SHKBP1: variants seen among roughly 807,000 people sequenced by gnomAD.
SHKBP1 encodes the protein SH3KBP1 binding protein 1.
A neutral mutation model predicts 83.9 loss-of-function variants in SHKBP1; 71 were observed. That is an observed-to-expected ratio of 0.85 (90% CI 0.70 to 1.03). The LOEUF (loss-of-function observed/expected upper bound fraction) is 1.03. Among genes scored for constraint, SHKBP1 ranks in the 50% least tolerant of loss-of-function variants. The pLI is 0.00. For missense variants in SHKBP1, 824 were observed against 982.4 expected (o/e 0.84, Z 2.16); for synonymous variants, 371 against 398.0 (o/e 0.93, Z 0.81).
At chr19:40,578,772 T>C (rs192208830) in intron 6 of SHKBP1, among the ~76,000 whole-genome samples, 1 of 152,234 alleles carries the variant, frequency 6.6e-6, no homozygotes, top group East Asian at 1.9e-4. Context: ...TGGAGCCCCA[T>C]GGGAGTTGTA....
In SHKBP1 at chr19:40,590,668, A is replaced by G; in HGVS notation, c.1769-62A>G. 1 of 1,513,048 alleles carries G rather than the reference A, an allele frequency of 6.6e-7. No individual in the cohort carries two copies. The highest frequency in any genetic ancestry group is 8.8e-7 in the Non-Finnish European group (1 of 1,130,462). 93.7% of individuals were successfully genotyped at this position (1,513,048 alleles called of 1,614,324 possible). On this transcript the variant is annotated intron_variant, in intron 16 of 17. Transcript: ENST00000291842. This position sits in a 1 kb window ranked among gnomAD's most constrained non-coding sequence, Gnocchi z 4.6. Reference sequence around the variant, plus strand: ...ACCCTCGGTGCTTGCACTGCAATGCAACCCAGGCCCTTGCCCTATGACCCC... The same window carrying G: ...ACCCTCGGTGCTTGCACTGCAATGCGACCCAGGCCCTTGCCCTATGACCCC...
chr19:40,578,540 C>G lies in SHKBP1; in HGVS notation c.398C>G (p.Pro133Arg), dbSNP rs781561260. Residue 133 changes from proline (P) to arginine (R), a missense_variant and splice_region_variant, in exon 6 of 18, where the codon CCA becomes CGA. Transcript: ENST00000291842. ...CTCTTCAATGGTTACCTGCCGCCAC[C>G]AGGTAGGCACTCCCAATGGAATGGA... ...NVLFNGYLPP[P>R]VFPVKRRNRH... The G allele has an allele frequency of 6.2e-7, 1 of 1,612,334 alleles. No homozygotes were observed. Among genetic ancestry groups the G allele is most frequent in the Non-Finnish European group, 8.5e-7 (1 of 1,179,424 alleles).
At chr19:40,578,133 C>G (rs753901707) in intron 4 of SHKBP1, 21 bp from the exon 5 acceptor site, 1 of 1,608,620 alleles carries the variant, frequency 6.2e-7, no homozygotes, top group Non-Finnish European at 8.5e-7. Flanking sequence ...ACCCTGACCT[C>G]TAGTCAATTC....
At chr19:40,589,589 G>T (rs2081341238) in intron 15 of SHKBP1, among the ~76,000 whole-genome samples, 1 of 151,350 alleles carries the variant, frequency 6.6e-6, no homozygotes, top group Admixed American at 6.6e-5. Context: ...TGGGATGGAG[G>T]AGACCCAGGG....
chr19:40,589,313 A>C, intron 15 of SHKBP1, 135 bp downstream of exon 15: 1 of 880,704 alleles, frequency 1.1e-6, no homozygotes, highest in Non-Finnish European at 1.8e-6. Context: ...TGAAGGAGCA[A>C]AGGCTGGGAG....
intron 4 of SHKBP1, 177 bp downstream of exon 4, chr19:40,577,807 C>G: frequency 1.3e-6 from 1 of 758,872 alleles, no homozygotes; most frequent in Admixed American, 2.3e-5. Context: ...TTTGGGAGGC[C>G]GAGGTGGGAG....
rs1234191880 is a variant in SHKBP1 at position 40,583,439 on chromosome 19, C to T, written c.1002C>T (p.Gly334=). 1 of 1,604,854 alleles carries T rather than the reference C, an allele frequency of 6.2e-7. No homozygotes were observed. The highest frequency in any genetic ancestry group is 1.3e-5 in the African/African-American group (1 of 74,746). ...VQPITSYDAA[G]SFLLLGCNNG... ...CCATCACCAGTTATGACGCGGCAGG[C>T]TCCTTCCTCCTCCTGGGCTGCAACA... The change falls in exon 11 of 18, where the codon GGC becomes GGT. Residue 334 remains glycine, a synonymous_variant. Transcript: ENST00000291842.
rs772444722 is a variant in SHKBP1 at position 40,588,592 on chromosome 19, G to T, written c.1337-32G>T. On this transcript the variant is annotated intron_variant, in intron 13 of 17. Transcript: ENST00000291842. The stretch of plus-strand genomic sequence containing the variant: ...CAGGCAGCATTGATGCCTGCACCAG[G>T]CCTGACTTCCTGCTCTCCTTGTGCC... 1.4e-5 allele frequency: 22 copies of T among 1,613,418 alleles called. No individual in the cohort carries two copies. In the East Asian group the frequency reaches 2.9e-4, roughly 21 times the overall value.
At position 40,590,823 on chromosome 19, in the gene SHKBP1, C is replaced by G. The variant is rs367968964; in HGVS notation, c.1862C>G (p.Pro621Arg). Residue 621 changes from proline to arginine, a missense_variant, in exon 17 of 18, where the codon CCC becomes CGC. Physicochemically the swap from Pro to Arg is moderately radical, Grantham distance 103. Around this residue, in one of 3 missense-constraint regions of SHKBP1, gnomAD observed 287 missense variants for 322.9 expected, o/e 0.89. Coordinates refer to ENST00000291842, the MANE Select transcript of SHKBP1 (RefSeq NM_138392.4). This position sits in a 1 kb window ranked among gnomAD's most constrained non-coding sequence, Gnocchi z 4.6. ...APSAPSWGCL[P>R]SPSPRISLTS... ...TCAGCTCCCTCATGGGGCTGTCTCC[C>G]CAGCCCCTCACCCCGCATCTCCCTC... The G allele has an allele frequency of 1.3e-6, 2 of 1,594,304 alleles. No homozygotes were observed. The highest frequency in any genetic ancestry group is 1.7e-6 in the Non-Finnish European group (2 of 1,164,376).
rs1358582347 is a variant in SHKBP1 at position 40,580,597 on chromosome 19, G to A, written c.594G>A (p.Leu198=). Residue 198 remains leucine, a synonymous_variant, in exon 8 of 18, where the codon CTG becomes CTA. Transcript: ENST00000291842. The part of the protein sequence containing the change: ...GQPEEPGMVR[L]VCGHHNWIAV... ...CTGAGGAGCCGGGGATGGTGCGCCT[G>A]GTGTGTGGACACCATAATTGGATCG... 2.5e-6 allele frequency: 4 copies of A among 1,614,196 alleles called. No homozygotes were observed. Among genetic ancestry groups the A allele is most frequent in the Non-Finnish European group, 3.4e-6 (4 of 1,180,036 alleles).
rs2081348463 is a variant in SHKBP1, at chr19:40,590,368, A to C, written c.1714A>C (p.Ser572Arg). The C allele has an allele frequency of 6.2e-7, 1 of 1,611,984 alleles. No individual in the cohort carries two copies. The highest frequency in any genetic ancestry group is 8.5e-7 in the Non-Finnish European group (1 of 1,179,442). ...RYLLTGQANG[S>R]LAMWDLTTAM... is the part of the protein sequence containing the mutation. ...CCTGCTCACTGGCCAGGCCAACGGC[A>C]GCTTGGCCATGTGGGACCTAACCAC... Residue 572 changes from serine to arginine, a missense_variant, in exon 16 of 18, where the codon AGC (serine) becomes CGC (arginine). By Grantham distance (110) the Ser-to-Arg change is moderately radical. Coordinates refer to ENST00000291842, the MANE Select transcript of SHKBP1 (RefSeq NM_138392.4). The surrounding 1 kb of genome is among the most constrained non-coding windows in gnomAD (Gnocchi z 4.6).
Position 40,583,938 on chromosome 19 carries a change from T to C in SHKBP1, c.1165+221T>C, listed in dbSNP as rs965318445. Among the ~76,000 whole-genome samples the C allele has an allele frequency of 3.9e-5, 6 of 152,078 alleles. No homozygotes were observed. In the East Asian group the frequency reaches 1.2e-3, roughly 29 times the overall value. ...TCACTGCAACCTCCACCTCCTGAGT[T>C]CAAGCGATTCTCCTGCCTCAGCCTC... is the stretch of plus-strand genomic sequence containing the variant. On this transcript the variant is annotated intron_variant, in intron 12 of 17. Transcript: ENST00000291842.
intron 12 of SHKBP1, 32 bp from the exon 13 acceptor site, chr19:40,586,736 TGGCCCA>T: frequency 2.7e-6 from 4 of 1,471,360 alleles, no homozygotes; most frequent in Non-Finnish European, 3.6e-6. Flanking sequence ...TCTGTCTCTG[TGGCCCA>T]GGCCCTCTCC....
In SHKBP1 at chr19:40,583,429, A is replaced by G; in HGVS notation, c.992A>G (p.Asp331Gly). 6.2e-7 allele frequency: 1 copy of G among 1,600,474 alleles called. No individual in the cohort carries two copies. Among genetic ancestry groups the G allele is most frequent in the South Asian group, 1.1e-5 (1 of 89,304 alleles). The change falls in exon 11 of 18, where the codon GAC becomes GGC. Residue 331 changes from aspartate to glycine, a missense_variant. This residue lies in a region of SHKBP1 where 182 missense variants were observed against 273.1 expected (regional missense o/e 0.67). Coordinates refer to ENST00000291842, the MANE Select transcript of SHKBP1 (RefSeq NM_138392.4). Reference protein sequence around the residue: ...VQEVQPITSYDAAGSFLLLGC... With the variant: ...VQEVQPITSYGAAGSFLLLGC... ...GAGGTGCAGCCCATCACCAGTTATG[A>G]CGCGGCAGGCTCCTTCCTCCTCCTG...
intron 6 of SHKBP1, 93 bp from the exon 7 acceptor site, chr19:40,580,231 A>G (rs775869006): frequency 2.5e-5 from 35 of 1,424,914 alleles, no homozygotes; most frequent in Non-Finnish European, 2.9e-5. Flanking sequence ...TGTCCCACAC[A>G]TGGGGAAATC....
In SHKBP1 at chr19:40,580,595, C is replaced by A. The variant is rs2081260766; in HGVS notation, c.592C>A (p.Leu198Met). ...GQPEEPGMVRLVCGHHNWIAV... is the reference protein window; with the variant it reads ...GQPEEPGMVRMVCGHHNWIAV... Reference sequence around the variant, plus strand: ...ACCTGAGGAGCCGGGGATGGTGCGCCTGGTGTGTGGACACCATAATTGGAT... The same window carrying A: ...ACCTGAGGAGCCGGGGATGGTGCGCATGGTGTGTGGACACCATAATTGGAT... The change falls in exon 8 of 18, where the codon CTG (leucine) becomes ATG (methionine). Residue 198 changes from leucine (L) to methionine (M), a missense_variant. By Grantham distance (15) the Leu-to-Met change is conservative. Coordinates refer to ENST00000291842, the MANE Select transcript of SHKBP1 (RefSeq NM_138392.4). 6.2e-7 allele frequency: 1 copy of A among 1,614,202 alleles called. No homozygotes were observed. Among genetic ancestry groups the A allele is most frequent in the Non-Finnish European group, 8.5e-7 (1 of 1,180,036 alleles).
rs747117004 is a variant in SHKBP1 at position 40,591,140 on chromosome 19, G to A, written c.2057G>A (p.Trp686Ter). Residue 686 changes from tryptophan (W) to a stop codon, truncating the protein, a stop_gained, in exon 18 of 18, where the codon TGG becomes TAG. Coordinates refer to ENST00000291842, the MANE Select transcript of SHKBP1 (RefSeq NM_138392.4). LOFTEE classifies it high-confidence loss of function. ...CGACGGCCACCCACACCAGCCCCGT[G>A]GCCCTCCAGCGGTCTCGGCACTCCC... ...DLRRPPTPAP[W>*]PSSGLGTPLT... 2 of 1,606,788 alleles carry A rather than the reference G, an allele frequency of 1.2e-6. No individual in the cohort carries two copies. Among genetic ancestry groups the A allele is most frequent in the African/African-American group, 2.7e-5 (2 of 74,824 alleles).
chr19:40,576,920 A>C lies in SHKBP1; in HGVS notation c.21A>C (p.Ala7=). 6.7e-7 allele frequency: 1 copy of C among 1,481,542 alleles called. No individual in the cohort carries two copies. Among genetic ancestry groups the C allele is most frequent in the Non-Finnish European group, 8.9e-7 (1 of 1,120,848 alleles). 91.8% of individuals were successfully genotyped at this position (1,481,542 alleles called of 1,614,324 possible). MAAAAT[A]AEGVPSRGPP... ...GGGCCATGGCAGCAGCGGCTACTGC[A>C]GCCGAGGGGGTCCCCAGTCGGGGGC... The change falls in exon 1 of 18, where the codon GCA becomes GCC. Residue 7 remains alanine, a synonymous_variant. Coordinates refer to ENST00000291842, the MANE Select transcript of SHKBP1 (RefSeq NM_138392.4).
intron 9 of SHKBP1, 124 bp downstream of exon 9, chr19:40,581,060 A>G: frequency 1.1e-6 from 1 of 948,648 alleles, no homozygotes; most frequent in East Asian, 2.8e-5. Context: ...TGTTTGTGTC[A>G]TTAGAATGCT....
Sources: gnomAD v4.1 joint callset for allele counts (sites outside exome capture counted in the v4.1 genomes callset) on GRCh38, gnomAD v4.1.1 for gene constraint, gnomAD v4.1.1 regional missense constraint, Gnocchi (gnomAD v3.1) non-coding constraint, MANE v1.5 for transcripts, NCBI Gene and HGNC (gene_info 2026-07-23, HGNC 2026-07-21) for gene names.